AUTS2: variants seen among roughly 807,000 people sequenced by gnomAD.
The protein encoded by AUTS2 is autism susceptibility gene 2 protein.
In AUTS2, 17 loss-of-function variants were observed where a neutral mutation model predicts 112.4. The observed-to-expected ratio is 0.15, with a 90% CI of 0.10 to 0.23. AUTS2 has a LOEUF of 0.23. Ranked by LOEUF, AUTS2 falls within the 10% of genes least tolerant of loss-of-function variation. The pLI is 1.00. For synonymous variants in AUTS2, 751 were observed against 702.7 expected (o/e 1.07, Z -1.09); for missense variants, 1,510 against 1,701.6 (o/e 0.89, Z 1.98).
At chr7:69,648,400 G>A (rs1795134744) in intron 1 of AUTS2, among the ~76,000 whole-genome samples, 1 of 151,848 alleles carries the variant, frequency 6.6e-6, no homozygotes, top group Admixed American at 6.6e-5. Flanking sequence ...TCTCCTCTGA[G>A]GGGTTAGGTC....
In AUTS2 at chr7:69,906,950, T is replaced by TA. The variant is rs1234664718; in HGVS notation, c.522+7459dup. Among the ~76,000 whole-genome samples, 7 of 151,816 alleles carry TA rather than the reference T, an allele frequency of 4.6e-5. 1 individual carries two copies. In the South Asian group the frequency reaches 1.3e-3, roughly 27 times the overall value. ...TGATGAGACCTTGTCTCTAGAGAAATAAAAAAATTAGCTGGGCATGGTGAC... is the reference window on the plus strand; with the variant it reads ...TGATGAGACCTTGTCTCTAGAGAAATAAAAAAAATTAGCTGGGCATGGTGAC... On this transcript the variant is annotated intron_variant, in intron 2 of 18. Coordinates refer to ENST00000342771, the MANE Select transcript of AUTS2 (RefSeq NM_015570.4).
chr7:70,542,341 C>G (rs1314205272), intron 5 of AUTS2, among the ~76,000 whole-genome samples: 1 of 152,176 alleles, frequency 6.6e-6, no homozygotes, highest in Non-Finnish European at 1.5e-5. Flanking sequence ...AGAGTTGCAC[C>G]TAGACCCCAA....
chr7:70,406,914 T>C (rs1033118013), intron 4 of AUTS2, among the ~76,000 whole-genome samples: 6 of 152,154 alleles, frequency 3.9e-5, no homozygotes, highest in African/African-American at 9.7e-5. Context: ...TCACCTCCAA[T>C]AGAGGAAGCA....
chr7:70,123,576 C>T (rs1361736917), intron 3 of AUTS2, among the ~76,000 whole-genome samples: 3 of 152,112 alleles, frequency 2.0e-5, no homozygotes, highest in Non-Finnish European at 4.4e-5. Flanking sequence ...ATTTAGCTCC[C>T]ACTTATAAGT....
intron 15 of AUTS2, 53 bp from the exon 16 acceptor site, chr7:70,784,889 T>A: frequency 6.5e-7 from 1 of 1,548,040 alleles, no homozygotes; most frequent in Non-Finnish European, 8.9e-7. Flanking sequence ...GCCGGTTGCA[T>A]CTTCGAAGTT....
chr7:70,448,449 G>T (rs777419509), intron 5 of AUTS2, among the ~76,000 whole-genome samples: 1 of 152,184 alleles, frequency 6.6e-6, no homozygotes, highest in East Asian at 1.9e-4. Flanking sequence ...CCCTGCCCCC[G>T]CTCCCCTCCT....
intron 5 of AUTS2, among the ~76,000 whole-genome samples, chr7:70,451,126 C>T (rs947036357): frequency 6.6e-6 from 1 of 152,078 alleles, no homozygotes; most frequent in Non-Finnish European, 1.5e-5. Flanking sequence ...GGAGGCCAGC[C>T]AGAACACTGG....
At chr7:69,793,092 C>A (rs190902754) in intron 1 of AUTS2, among the ~76,000 whole-genome samples, 1 of 152,222 alleles carries the variant, frequency 6.6e-6, no homozygotes, top group East Asian at 1.9e-4. Context: ...ACAAGGAGGG[C>A]TGGGCTTTTT....
intron 4 of AUTS2, among the ~76,000 whole-genome samples, chr7:70,278,893 T>C (rs896060919): frequency 6.6e-6 from 1 of 152,234 alleles, no homozygotes; most frequent in African/African-American, 2.4e-5. Flanking sequence ...AGTTGTTTTT[T>C]CTACATTTCT....
chr7:70,460,941 G>A (rs763670864), intron 5 of AUTS2, among the ~76,000 whole-genome samples: 1 of 152,172 alleles, frequency 6.6e-6, no homozygotes, highest in South Asian at 2.1e-4. Context: ...AGAACTGGGG[G>A]ATTGGGAGAC....
At chr7:70,442,934 A>C (rs952187901) in intron 5 of AUTS2, among the ~76,000 whole-genome samples, 1 of 152,196 alleles carries the variant, frequency 6.6e-6, no homozygotes, top group Non-Finnish European at 1.5e-5. Context: ...ATTACATTGC[A>C]TACATCCCAA....
intron 4 of AUTS2, among the ~76,000 whole-genome samples, chr7:70,258,380 A>G (rs1786992260): frequency 6.6e-6 from 1 of 152,206 alleles, no homozygotes; most frequent in Non-Finnish European, 1.5e-5. Flanking sequence ...AATTTTCATA[A>G]TTCAGTCTGT....
At chr7:70,778,565 C>T (rs1790856113) in intron 14 of AUTS2, among the ~76,000 whole-genome samples, 1 of 129,446 alleles carries the variant, frequency 7.7e-6, no homozygotes, top group Non-Finnish European at 1.6e-5. Flanking sequence ...AGCAAGATCT[C>T]ATCTCTAAAA....
intron 2 of AUTS2, among the ~76,000 whole-genome samples, chr7:70,019,764 C>T (rs1490021987): frequency 6.6e-6 from 1 of 152,136 alleles, no homozygotes; most frequent in Non-Finnish European, 1.5e-5. Context: ...TATGAATGTT[C>T]ATTGGATATT....
intron 1 of AUTS2, among the ~76,000 whole-genome samples, chr7:69,796,176 GAA>G (rs959697073): frequency 6.6e-6 from 1 of 152,152 alleles, no homozygotes; most frequent in African/African-American, 2.4e-5. Flanking sequence ...ACAGTGGGGT[GAA>G]AAGATGTAAC....
At chr7:70,025,021 C>T (rs892293169) in intron 2 of AUTS2, among the ~76,000 whole-genome samples, 1 of 152,106 alleles carries the variant, frequency 6.6e-6, no homozygotes, top group Non-Finnish European at 1.5e-5. Flanking sequence ...TTCCTTTTTC[C>T]CTCACTGTGT....
intron 5 of AUTS2, among the ~76,000 whole-genome samples, chr7:70,661,349 C>G (rs1807060287): frequency 6.6e-6 from 1 of 152,012 alleles, no homozygotes; most frequent in Non-Finnish European, 1.5e-5. Flanking sequence ...GAAGGTAGTC[C>G]CCTGGAAAAT....
intron 2 of AUTS2, among the ~76,000 whole-genome samples, chr7:69,968,421 G>T (rs1011007675): frequency 4.6e-5 from 7 of 152,206 alleles, no homozygotes; most frequent in African/African-American, 1.7e-4. Flanking sequence ...ACTTTTAGGG[G>T]AAAAGTGTAC....
At chr7:69,731,714 A>T (rs1231507609) in intron 1 of AUTS2, among the ~76,000 whole-genome samples, 4 of 152,152 alleles carry the variant, frequency 2.6e-5, no homozygotes, top group Non-Finnish European at 5.9e-5. Context: ...GTGTATACTC[A>T]GTTGGCATTT....
Sources: allele counts gnomAD v4.1 joint callset (sites outside exome capture counted in the v4.1 genomes callset), GRCh38; gene constraint gnomAD v4.1.1; transcripts MANE v1.5; gene names NCBI Gene and HGNC (gene_info 2026-07-23, HGNC 2026-07-21).